The following GALNTL6 variants were observed in gnomAD, a reference collection of about 807,000 sequenced individuals.
GALNTL6 encodes the protein polypeptide N-acetylgalactosaminyltransferase-like 6.
Under a neutral mutation model 73.7 loss-of-function variants are expected in GALNTL6, and 46 were observed. That is an observed-to-expected ratio of 0.62 (90% confidence interval 0.49 to 0.80). GALNTL6 has a LOEUF of 0.80. GALNTL6 is among the 30% of genes least tolerant of loss of function. The pLI is 0.00. For missense variants in GALNTL6, 604 were observed against 755.0 expected, an observed-to-expected ratio of 0.80 and a Z score of 2.34; for synonymous variants, 259 against 263.7, an observed-to-expected ratio of 0.98 and a Z score of 0.17.
Position 172,462,463 on chromosome 4 carries a change from G to T in GALNTL6, c.553+113774G>T, listed in dbSNP as rs148465084. ...GCTAAGTAAAACAAAATCAAAAACA[G>T]ATAGCTTCTTCTCTGATGTGTTTTC... On this transcript the variant is annotated intron_variant, in intron 5 of 12. Coordinates refer to ENST00000506823, the MANE Select transcript of GALNTL6 (RefSeq NM_001034845.3). Among the ~76,000 whole-genome samples, 126 of 152,240 alleles carry T rather than the reference G, an allele frequency of 8.3e-4. 1 individual carries two copies. The highest frequency in any genetic ancestry group is 2.9e-3 in the African/African-American group (121 of 41,562).
At chr4:172,457,865 C>G (rs938761804) in intron 5 of GALNTL6, among the ~76,000 whole-genome samples, 1 of 152,090 alleles carries the variant, frequency 6.6e-6, no homozygotes, top group African/African-American at 2.4e-5. Context: ...GCAGATCTAA[C>G]AGACATCTAC....
intron 2 of GALNTL6, among the ~76,000 whole-genome samples, chr4:171,970,040 G>A (rs1739517556): frequency 6.6e-6 from 1 of 152,104 alleles, no homozygotes; most frequent in Non-Finnish European, 1.5e-5. Flanking sequence ...CAAAGTGCTG[G>A]AATTACAGGT....
intron 2 of GALNTL6, among the ~76,000 whole-genome samples, chr4:171,905,667 C>T (rs1737253567): frequency 1.3e-5 from 2 of 150,384 alleles, no homozygotes; most frequent in Admixed American, 1.3e-4. Flanking sequence ...CAGAACTCTC[C>T]ACCCCAATTC....
chr4:172,636,124 A>G lies in GALNTL6; in HGVS notation c.554-173237A>G, dbSNP rs142030461. ...ATCACCCAATCATTTGCTCTACCAT[A>G]CAACTTTATGATATTGTTTTAACCA... is the stretch of plus-strand genomic sequence containing the variant. On this transcript the variant is annotated intron_variant, in intron 5 of 12. Coordinates refer to ENST00000506823, the MANE Select transcript of GALNTL6 (RefSeq NM_001034845.3). 9.2e-5 allele frequency among the ~76,000 whole-genome samples: 14 copies of G among 152,286 alleles called. No homozygotes were observed. In the East Asian group the frequency reaches 2.7e-3, roughly 29 times the overall value.
At chr4:172,375,339 T>A (rs907810993) in intron 5 of GALNTL6, among the ~76,000 whole-genome samples, 1 of 152,190 alleles carries the variant, frequency 6.6e-6, no homozygotes, top group Non-Finnish European at 1.5e-5. Flanking sequence ...AGAGAGAATA[T>A]TGGGGCCAAG....
intron 5 of GALNTL6, among the ~76,000 whole-genome samples, chr4:172,611,656 G>A (rs1052978378): frequency 2.6e-5 from 4 of 151,936 alleles, no homozygotes; most frequent in African/African-American, 9.7e-5. Flanking sequence ...TCCTGAGGCT[G>A]GTCATCTGCT....
intron 5 of GALNTL6, among the ~76,000 whole-genome samples, chr4:172,574,539 CAAAA>C (rs903870915): frequency 1.3e-5 from 2 of 150,784 alleles, no homozygotes; most frequent in Non-Finnish European, 3.0e-5. Flanking sequence ...TTACCACAGA[CAAAA>C]AAAGATCCTC....
intron 2 of GALNTL6, among the ~76,000 whole-genome samples, chr4:172,098,349 G>A (rs1455171184): frequency 4.6e-5 from 7 of 152,100 alleles, no homozygotes; most frequent in Non-Finnish European, 7.4e-5. Flanking sequence ...TGGGGTTGGA[G>A]TGTGTGGTGG....
chr4:172,759,121 C>A (rs1450810275), intron 5 of GALNTL6, among the ~76,000 whole-genome samples: 1 of 152,200 alleles, frequency 6.6e-6, no homozygotes, highest in Non-Finnish European at 1.5e-5. Flanking sequence ...TTGCCCACAA[C>A]CACAAGAAGA....
chr4:172,843,563 T>C (rs942484320), intron 7 of GALNTL6, among the ~76,000 whole-genome samples: 3 of 152,156 alleles, frequency 2.0e-5, no homozygotes, highest in African/African-American at 4.8e-5. Context: ...GGTTCACCCA[T>C]ACAACACTCT....
At chr4:172,601,789 G>A (rs1738059608) in intron 5 of GALNTL6, among the ~76,000 whole-genome samples, 1 of 146,798 alleles carries the variant, frequency 6.8e-6, no homozygotes, top group South Asian at 2.1e-4. Context: ...CCAGAAAAGG[G>A]GGTTAAGATC....
chr4:172,418,077 C>T (rs1297883505), intron 5 of GALNTL6, among the ~76,000 whole-genome samples: 1 of 152,150 alleles, frequency 6.6e-6, no homozygotes, highest in Non-Finnish European at 1.5e-5. Context: ...TTACTCTTTA[C>T]CTAATGCATA....
chr4:172,197,118 A>G (rs1301916733), intron 2 of GALNTL6, among the ~76,000 whole-genome samples: 1 of 152,130 alleles, frequency 6.6e-6, no homozygotes, highest in Non-Finnish European at 1.5e-5. Flanking sequence ...AATGTGCAAA[A>G]CTCACAAGCA....
chr4:172,331,559 G>A (rs2111182651), intron 4 of GALNTL6, among the ~76,000 whole-genome samples: 1 of 152,218 alleles, frequency 6.6e-6, no homozygotes, highest in East Asian at 1.9e-4. Flanking sequence ...TCTATCCACT[G>A]GCAACCATTC....
chr4:172,013,313 C>G (rs1287399430), intron 2 of GALNTL6, among the ~76,000 whole-genome samples: 2 of 152,166 alleles, frequency 1.3e-5, no homozygotes, highest in East Asian at 3.9e-4. Flanking sequence ...TTTTGGGCAA[C>G]TACCCATCTC....
At chr4:172,036,968 T>C (rs1461912111) in intron 2 of GALNTL6, among the ~76,000 whole-genome samples, 2 of 152,126 alleles carry the variant, frequency 1.3e-5, no homozygotes, top group South Asian at 4.1e-4. Flanking sequence ...TATTCATCTT[T>C]CCTTGTTCTT....
intron 2 of GALNTL6, among the ~76,000 whole-genome samples, chr4:171,917,130 T>C (rs916160460): frequency 3.3e-5 from 5 of 152,084 alleles, no homozygotes; most frequent in Non-Finnish European, 4.4e-5. Flanking sequence ...CTTAGAACCA[T>C]AGAAGTAATT....
At chr4:172,289,778 T>C (rs1739399201) in intron 3 of GALNTL6, among the ~76,000 whole-genome samples, 1 of 152,166 alleles carries the variant, frequency 6.6e-6, no homozygotes, top group Admixed American at 6.6e-5. Context: ...TCTGCACAGC[T>C]AAAAGCTCAG....
intron 5 of GALNTL6, among the ~76,000 whole-genome samples, chr4:172,386,546 C>T (rs899908006): frequency 1.3e-5 from 2 of 152,128 alleles, no homozygotes; most frequent in Non-Finnish European, 2.9e-5. Flanking sequence ...GGGCAATTCT[C>T]TCACTCAATT....
Sources: allele counts gnomAD v4.1 joint callset (sites outside exome capture counted in the v4.1 genomes callset), GRCh38; gene constraint gnomAD v4.1.1; transcripts MANE v1.5; gene names NCBI Gene and HGNC (gene_info 2026-07-23, HGNC 2026-07-21).